ARHGAP24: variants seen among roughly 807,000 people sequenced by gnomAD.
ARHGAP24 encodes rho GTPase-activating protein 24.
A neutral mutation model predicts 76.4 loss-of-function variants in ARHGAP24; 50 were observed. The observed-to-expected ratio is 0.65, with a 90% CI of 0.52 to 0.83. The LOEUF is 0.83. ARHGAP24 is among the 40% of genes least tolerant of loss of function. The probability of loss-of-function intolerance (pLI) is 0.00; values close to 1 mark genes in which losing one functional copy is unlikely to be tolerated. For missense variants in ARHGAP24, 930 were observed against 914.2 expected (o/e 1.02, Z -0.22); for synonymous variants, 345 against 323.3 (o/e 1.07, Z -0.72).
At chr4:85,509,346 T>TAAA in intron 1 of ARHGAP24, among the ~76,000 whole-genome samples, 1 of 151,784 alleles carries the variant, frequency 6.6e-6, no homozygotes, top group South Asian at 2.1e-4. Context: ...AAAGTATAAT[T>TAAA]AAAAAAAATT....
chr4:85,788,575 G>T (rs1560633878), intron 3 of ARHGAP24, among the ~76,000 whole-genome samples: 1 of 152,174 alleles, frequency 6.6e-6, no homozygotes, highest in Non-Finnish European at 1.5e-5. Flanking sequence ...TAATCTTACA[G>T]GAGAATCTCC....
chr4:85,627,783 C>G (rs1721015208), intron 2 of ARHGAP24, among the ~76,000 whole-genome samples: 1 of 152,224 alleles, frequency 6.6e-6, no homozygotes, highest in Non-Finnish European at 1.5e-5. Flanking sequence ...ATGGCAGGTG[C>G]CCTTTCCCCA....
At chr4:85,798,012 T>C (rs17010957) in intron 3 of ARHGAP24, among the ~76,000 whole-genome samples, 21,309 of 152,120 alleles carry the variant, frequency 0.14, 1,617 homozygotes, top group South Asian at 0.2. Flanking sequence ...AGGTTCTAGA[T>C]CATAAAAGGA....
chr4:85,970,498 G>T (rs188223314), intron 5 of ARHGAP24, among the ~76,000 whole-genome samples: 21 of 152,110 alleles, frequency 1.4e-4, no homozygotes, highest in Admixed American at 1.1e-3. Context: ...AACCCCTGAG[G>T]TCCTAGCCCA....
At chr4:85,816,939 T>C (rs564418524) in intron 3 of ARHGAP24, among the ~76,000 whole-genome samples, 15 of 152,338 alleles carry the variant, frequency 9.8e-5, no homozygotes, top group African/African-American at 3.4e-4. Context: ...TCTTTTGTCT[T>C]TTTGATAATA....
intron 3 of ARHGAP24, chr4:85,828,066 C>A: frequency 1.0e-6 from 1 of 1,002,356 alleles, no homozygotes; most frequent in Non-Finnish European, 1.4e-6. Flanking sequence ...ATTTATATCA[C>A]CACAAATTCA....
In ARHGAP24 at chr4:86,001,820, G is replaced by A. The variant is rs1741035101; in HGVS notation, c.*1098G>A. 5.9e-6 allele frequency: 1 copy of A among 170,296 alleles called. No individual in the cohort carries two copies. Among genetic ancestry groups the A allele is most frequent in the Non-Finnish European group, 1.2e-5 (1 of 80,462 alleles). 10.5% of individuals were successfully genotyped at this position (170,296 alleles called of 1,614,324 possible). A position where few individuals can be genotyped will look rare whatever the true frequency, so the allele number is the denominator to read the frequency against. On this transcript the variant is annotated 3_prime_UTR_variant, in exon 10 of 10. Transcript: ENST00000395184. ...TTCTCTCCCTACTACAGCTGGCAAA[G>A]TTGGTTTGCAGCAAGAAGATAGTGG...
In ARHGAP24 at chr4:85,541,142, CTTTTTTTTT is replaced by C. The variant is rs70948733; in HGVS notation, c.-20-29359_-20-29351del. On this transcript the variant is annotated intron_variant, in intron 1 of 9. Transcript: ENST00000395184. Reference sequence around the variant, plus strand: ...TGTGTCTTCTGCTAGCATCCATGACCTTTTTTTTTTTTTTTTTTTTTTTTTTTTTGAGAC... The same window carrying C: ...TGTGTCTTCTGCTAGCATCCATGACCTTTTTTTTTTTTTTTTTTTTGAGAC... 3.8e-4 allele frequency among the ~76,000 whole-genome samples: 19 copies of C among 49,738 alleles called. 1 individual carries two copies. Among genetic ancestry groups the C allele is most frequent in the Non-Finnish European group, 5.3e-4 (17 of 31,848 alleles). The allele number at this position is 49,738 out of a possible 152,430, so 32.6% of individuals were successfully genotyped here. A position where few individuals can be genotyped will look rare whatever the true frequency, so the allele number is the denominator to read the frequency against.
intron 2 of ARHGAP24, among the ~76,000 whole-genome samples, chr4:85,690,760 T>TG (rs1723624313): frequency 7.3e-6 from 1 of 137,812 alleles, no homozygotes; most frequent in African/African-American, 3.4e-5. Context: ...TCAATCTTGT[T>TG]TTTTTTTTTT....
intron 3 of ARHGAP24, among the ~76,000 whole-genome samples, chr4:85,906,552 T>C (rs1444172823): frequency 6.6e-6 from 1 of 152,212 alleles, no homozygotes; most frequent in African/African-American, 2.4e-5. Flanking sequence ...ATTTTGGTGC[T>C]AGTTAAATTT....
At chr4:85,625,026 C>T (rs1720887688) in intron 2 of ARHGAP24, among the ~76,000 whole-genome samples, 1 of 152,126 alleles carries the variant, frequency 6.6e-6, no homozygotes, top group African/African-American at 2.4e-5. Flanking sequence ...AAAACCAGCT[C>T]CTGAATTCAT....
At chr4:85,742,892 T>C (rs2110061417) in intron 3 of ARHGAP24, among the ~76,000 whole-genome samples, 1 of 152,318 alleles carries the variant, frequency 6.6e-6, no homozygotes, top group East Asian at 1.9e-4. Flanking sequence ...AGAATATCGA[T>C]TAAACTTGTT....
intron 3 of ARHGAP24, among the ~76,000 whole-genome samples, chr4:85,867,672 G>A (rs1230747808): frequency 1.3e-5 from 2 of 150,942 alleles, no homozygotes; most frequent in Non-Finnish European, 3.0e-5. Context: ...CTTCTTTTTT[G>A]GAATCCTATT....
chr4:85,716,934 C>A (rs1273814562), intron 2 of ARHGAP24, among the ~76,000 whole-genome samples: 4 of 152,080 alleles, frequency 2.6e-5, no homozygotes, highest in Non-Finnish European at 5.9e-5. Context: ...CTCTTGTGCT[C>A]TTCTGACATC....
chr4:85,492,047 C>G (rs139387577), intron 1 of ARHGAP24, among the ~76,000 whole-genome samples: 1 of 151,790 alleles, frequency 6.6e-6, no homozygotes, highest in African/African-American at 2.4e-5. Context: ...CTCTCTTCCT[C>G]GCCATTCCCT....
chr4:85,855,891 G>A (rs1731528632), intron 3 of ARHGAP24, among the ~76,000 whole-genome samples: 1 of 151,860 alleles, frequency 6.6e-6, no homozygotes, highest in African/African-American at 2.4e-5. Context: ...GATACATTAT[G>A]CCCCATATAA....
chr4:85,491,757 G>A (rs1431204360), intron 1 of ARHGAP24, among the ~76,000 whole-genome samples: 1 of 152,156 alleles, frequency 6.6e-6, no homozygotes, highest in African/African-American at 2.4e-5. Context: ...AACCTCTAAT[G>A]CCTCTGGGTG....
intron 3 of ARHGAP24, among the ~76,000 whole-genome samples, chr4:85,782,830 C>A (rs1727628404): frequency 1.3e-5 from 2 of 152,072 alleles, no homozygotes; most frequent in Non-Finnish European, 2.9e-5. Context: ...TAATATGAAT[C>A]CAAGGTTCTT....
intron 5 of ARHGAP24, among the ~76,000 whole-genome samples, chr4:85,962,009 G>A (rs1401356618): frequency 6.6e-6 from 1 of 152,078 alleles, no homozygotes; most frequent in Non-Finnish European, 1.5e-5. Flanking sequence ...GAATACAATG[G>A]TGAAGTAACT....
Sources: gnomAD v4.1 joint callset for allele counts (sites outside exome capture counted in the v4.1 genomes callset) on GRCh38, gnomAD v4.1.1 for gene constraint, MANE v1.5 for transcripts, NCBI Gene and HGNC (gene_info 2026-07-23, HGNC 2026-07-21) for gene names.